The following ASMT variants were observed in gnomAD, a reference collection of about 807,000 sequenced individuals.
The protein encoded by ASMT is acetylserotonin O-methyltransferase.
Under a neutral mutation model 41.3 loss-of-function variants are expected in ASMT, and 53 were observed. The ratio of observed to expected loss-of-function variants is 1.28; its 90% CI spans 1.03 to 1.61. The LOEUF (loss-of-function observed/expected upper bound fraction) is 1.61. Ranked by LOEUF, ASMT falls within the 40% of genes most tolerant of loss-of-function variation. The pLI, the probability that ASMT is intolerant of heterozygous loss-of-function variation, is 0.00. For synonymous variants in ASMT, 231 were observed against 184.8 expected (o/e 1.25, Z -2.03); for missense variants, 531 against 441.3 (o/e 1.20, Z -1.82).
At chrX:1,616,983 C>T (rs1276948991) in intron 1 of ASMT, among the ~76,000 whole-genome samples, 5 of 151,970 alleles carry the variant, frequency 3.3e-5, no homozygotes, top group Non-Finnish European at 4.4e-5. Flanking sequence ...GCTGGGATTA[C>T]AGGCGTGAGC....
In ASMT at chrX:1,627,721, C is replaced by T. The variant is rs747180370; in HGVS notation, c.393C>T (p.Tyr131=). Residue 131 remains tyrosine, a synonymous_variant, in exon 4 of 9, where the codon TAC becomes TAT. Transcript: ENST00000381241. The part of the protein sequence containing the change: ...ADAVREGRNQ[Y]LETFGVPAEE... ...TTCTTAGAGAAGGAAGGAACCAGTA[C>T]CTGGAGACGTTTGGCGTTCCCGCTG... is the stretch of plus-strand genomic sequence containing the variant. 1.2e-6 allele frequency: 2 copies of T among 1,613,802 alleles called. No homozygotes were observed. Among genetic ancestry groups the T allele is most frequent in the South Asian group, 1.1e-5 (1 of 91,082 alleles).
intron 3 of ASMT, among the ~76,000 whole-genome samples, chrX:1,625,780 C>T (rs1234531165): frequency 1.3e-5 from 2 of 151,338 alleles, no homozygotes; most frequent in African/African-American, 4.9e-5. Context: ...CGGTGAAACC[C>T]CGTCTCTATT....
intron 1 of ASMT, among the ~76,000 whole-genome samples, chrX:1,618,948 G>A (rs1454674375): frequency 1.3e-5 from 2 of 152,196 alleles, no homozygotes; most frequent in Non-Finnish European, 2.9e-5. Flanking sequence ...ATGATACCAT[G>A]TCATGGGAGT....
At chrX:1,628,025 A>G (rs1934621784) in intron 4 of ASMT, 2 of 585,962 alleles carry the variant, frequency 3.4e-6, no homozygotes, top group Non-Finnish European at 6.1e-6. Context: ...GTTTATGTAG[A>G]AAATGGAGGC....
intron 1 of ASMT, among the ~76,000 whole-genome samples, chrX:1,616,194 A>C (rs1312929220): frequency 7.5e-6 from 1 of 132,654 alleles, no homozygotes; most frequent in Non-Finnish European, 1.7e-5. Context: ...ACGCCCGGCT[A>C]ATTTTTGTAT....
chrX:1,627,312 C>CT, intron 3 of ASMT, among the ~76,000 whole-genome samples: 1 of 148,560 alleles, frequency 6.7e-6, no homozygotes, highest in Non-Finnish European at 1.5e-5. Flanking sequence ...GGCGACACAG[C>CT]GAGACTCCAT....
chrX:1,641,301 C>G (rs866024057), intron 8 of ASMT, among the ~76,000 whole-genome samples: 29 of 36,118 alleles, frequency 8.0e-4, no homozygotes, highest in Non-Finnish European at 1.3e-3. Flanking sequence ...TGTCCCAGCT[C>G]TCCTGTGAGG....
At chrX:1,636,970 C>T (rs776738397) in intron 8 of ASMT, among the ~76,000 whole-genome samples, 820 of 37,860 alleles carry the variant, frequency 0.022, 13 homozygotes, top group Non-Finnish European at 0.025. Context: ...ATCCTGATGG[C>T]ACATGAGGAT....
At chrX:1,623,408 C>G in intron 2 of ASMT, 95 bp downstream of exon 2, 1 of 1,487,004 alleles carries the variant, frequency 6.7e-7, no homozygotes, top group East Asian at 2.3e-5. Context: ...CATCCTGGCT[C>G]ACACAGTGAA....
rs758010100 is a variant in ASMT at position 1,624,307 on chromosome X, A to G, written c.283A>G (p.Thr95Ala). 6.2e-7 allele frequency: 1 copy of G among 1,613,998 alleles called. No homozygotes were observed. The highest frequency in any genetic ancestry group is 8.5e-7 in the Non-Finnish European group (1 of 1,179,868). The change falls in exon 3 of 9, where the codon ACC becomes GCC. Residue 95 changes from threonine to alanine, a missense_variant. Transcript: ENST00000381241. ...RNTELSSDYL[T>A]TVSPTSQCSM... The stretch of plus-strand genomic sequence containing the variant: ...CACAGAGCTGTCCAGCGACTACCTG[A>G]CCACGGTCAGCCCGACGTCACAATG...
chrX:1,621,807 T>G (rs1934346523), intron 1 of ASMT, among the ~76,000 whole-genome samples: 1 of 152,106 alleles, frequency 6.6e-6, no homozygotes, highest in Admixed American at 6.6e-5. Flanking sequence ...GTGATTCTCC[T>G]GCCTCAGCCT....
At chrX:1,629,292 C>G (rs1479230000) in intron 4 of ASMT, among the ~76,000 whole-genome samples, 2 of 152,140 alleles carry the variant, frequency 1.3e-5, no homozygotes, top group African/African-American at 4.8e-5. Context: ...ACAGCAGGCT[C>G]TGCAGAGAGG....
chrX:1,628,082 A>C lies in ASMT; in HGVS notation c.443+311A>C, dbSNP rs1402308672. ...ACGCCTGTCATCCCAGAACTTTGGGAGGCCGAGGCAGGTGGATCACCTGAG... is the reference window on the plus strand; with the variant it reads ...ACGCCTGTCATCCCAGAACTTTGGGCGGCCGAGGCAGGTGGATCACCTGAG... On this transcript the variant is annotated intron_variant, in intron 4 of 8. Transcript: ENST00000381241. The C allele has an allele frequency of 3.6e-5, 15 of 417,080 alleles. No individual in the cohort carries two copies. The Admixed American group carries it at 6.2e-4, about 17-fold the overall frequency. The allele number at this position is 417,080 out of a possible 1,614,324, so 25.8% of individuals were successfully genotyped here.
chrX:1,636,650 C>T, intron 8 of ASMT, 90 bp downstream of exon 8: 1 of 1,600,838 alleles, frequency 6.2e-7, no homozygotes, highest in Non-Finnish European at 8.6e-7. Flanking sequence ...CTGAAATCAT[C>T]CCACAGGTAA....
Position 1,636,531 on chromosome X carries a change from TG to T in ASMT, c.883del (p.Glu295ArgfsTer15). On this transcript the variant is annotated frameshift_variant, in exon 8 of 9. Coordinates refer to ENST00000381241, the MANE Select transcript of ASMT (RefSeq NM_001171038.2). LOFTEE classifies it high-confidence loss of function. ...GCAGACGGAAAGTGCTCACACCTGC[TG>T]GAGAGGATCTACCACACTTGCAAGC... ...DWADGKCSHLLERIYHTCKPG... is the reference protein window; with the variant it reads ...DWADGKCSHLXERIYHTCKPG... 1 of 1,613,768 alleles carries T rather than the reference TG, an allele frequency of 6.2e-7. No homozygotes were observed. Among genetic ancestry groups the T allele is most frequent in the Non-Finnish European group, 8.5e-7 (1 of 1,179,848 alleles).
At chrX:1,636,409 G>A in intron 7 of ASMT, 29 bp from the exon 8 acceptor site, 1 of 1,613,912 alleles carries the variant, frequency 6.2e-7, no homozygotes, top group Non-Finnish European at 8.5e-7. Context: ...ATTGCAGGCT[G>A]ACCTCGGTGT....
intron 8 of ASMT, among the ~76,000 whole-genome samples, chrX:1,640,630 A>G (rs766318243): frequency 0.062 from 350 of 5,612 alleles, no homozygotes; most frequent in South Asian, 0.17. Context: ...GATAGGGACC[A>G]TGTCCCAGCT....
At chrX:1,620,166 CTTTTT>C (rs1180256764) in intron 1 of ASMT, among the ~76,000 whole-genome samples, 5 of 95,402 alleles carry the variant, frequency 5.2e-5, no homozygotes, top group African/African-American at 1.8e-4. Flanking sequence ...ATTAATATAG[CTTTTT>C]TTTTTTTTTT....
chrX:1,634,262 C>A lies in ASMT; in HGVS notation c.787+972C>A, dbSNP rs1252459866. Among the ~76,000 whole-genome samples, 125 of 152,322 alleles carry A rather than the reference C, an allele frequency of 8.2e-4. 1 individual carries two copies. Among genetic ancestry groups the A allele is most frequent in the Middle Eastern group, 3.4e-3 (1 of 294 alleles). ...AGCATGGGATAGAGTTCGGGAGAAACCACATGTGAGCTTCTTGTTGTCTTC... is the reference window on the plus strand; with the variant it reads ...AGCATGGGATAGAGTTCGGGAGAAAACACATGTGAGCTTCTTGTTGTCTTC... On this transcript the variant is annotated intron_variant, in intron 7 of 8. Transcript: ENST00000381241.
Sources: allele counts gnomAD v4.1 joint callset (sites outside exome capture counted in the v4.1 genomes callset), GRCh38; gene constraint gnomAD v4.1.1; transcripts MANE v1.5; gene names NCBI Gene and HGNC (gene_info 2026-07-23, HGNC 2026-07-21).